Variants in NR1I2 observed in about 807,000 individuals in gnomAD.
NR1I2 encodes orphan nuclear receptor PAR1.
In NR1I2, 42 loss-of-function variants were observed where a neutral mutation model predicts 43.3. That is an observed-to-expected ratio of 0.97 (90% CI 0.76 to 1.26). The LOEUF is 1.26. NR1I2 is among the 50% of genes most tolerant of loss of function. The pLI is 0.00. For synonymous variants in NR1I2, 229 were observed against 215.0 expected (o/e 1.06, Z -0.57); for missense variants, 559 against 566.7 (o/e 0.99, Z 0.14).
In NR1I2 at chr3:119,817,281, G is replaced by A. The variant is rs2055344747; in HGVS notation, c.*69G>A. ...GAGCCCTCTGAGCCGCCACTCCCGGGCCAAGACAGATGGACACTGCCAAGA... is the reference window on the plus strand; with the variant it reads ...GAGCCCTCTGAGCCGCCACTCCCGGACCAAGACAGATGGACACTGCCAAGA... On this transcript the variant is annotated 3_prime_UTR_variant, in exon 9 of 9. Transcript: ENST00000393716. 1.2e-6 allele frequency: 2 copies of A among 1,606,778 alleles called. No homozygotes were observed. Among genetic ancestry groups the A allele is most frequent in the Non-Finnish European group, 1.7e-6 (2 of 1,179,324 alleles).
At position 119,811,572 on chromosome 3, in the gene NR1I2, G is replaced by A. The variant is rs12721608; in HGVS notation, c.365G>A (p.Arg122Gln). ...TCCGACGAGGCCGTGGAGGAGAGGC[G>A]GGCCTTGATCAAGCGGAAGAAAAGT... The change falls in exon 4 of 9, where the codon CGG becomes CAG. Residue 122 changes from arginine to glutamine, a missense_variant. Around this residue, in one of 3 missense-constraint regions of NR1I2, gnomAD observed 232 missense variants for 236.6 expected, o/e 0.98. Coordinates refer to ENST00000393716, the MANE Select transcript of NR1I2 (RefSeq NM_003889.4). 5.0e-6 allele frequency: 8 copies of A among 1,613,516 alleles called. No homozygotes were observed. Among genetic ancestry groups the A allele is most frequent in the Admixed American group, 3.3e-5 (2 of 59,914 alleles).
In NR1I2 at chr3:119,810,471, C is replaced by G. The variant is rs907619218; in HGVS notation, c.331+277C>G. The G allele has an allele frequency of 5.7e-6, 3 of 524,102 alleles. No individual in the cohort carries two copies. The African/African-American group carries it at 5.7e-5, about 10-fold the overall frequency. 32.5% of individuals were successfully genotyped at this position (524,102 alleles called of 1,614,324 possible). On this transcript the variant is annotated intron_variant, in intron 3 of 8. Coordinates refer to ENST00000393716, the MANE Select transcript of NR1I2 (RefSeq NM_003889.4). ...GCCCTCTGTCTCCCCTCAGTTGCTCCTGCATCATTCTTTTTGTCCCCTTCA... is the reference window on the plus strand; with the variant it reads ...GCCCTCTGTCTCCCCTCAGTTGCTCGTGCATCATTCTTTTTGTCCCCTTCA...
chr3:119,814,933 G>A (rs1320472169), intron 5 of NR1I2, 46 bp from the exon 6 acceptor site: 2 of 1,612,804 alleles, frequency 1.2e-6, no homozygotes, highest in Admixed American at 3.3e-5. Context: ...CGGTCTGTGG[G>A]CTGCCTCCCA....
intron 1 of NR1I2, among the ~76,000 whole-genome samples, chr3:119,801,854 T>C (rs2055085873): frequency 6.6e-6 from 1 of 152,126 alleles, no homozygotes; most frequent in South Asian, 2.1e-4. Context: ...GAGGCTGGGG[T>C]GGCTGGTCCT....
intron 8 of NR1I2, 31 bp downstream of exon 8, chr3:119,815,862 G>C (rs759692853): frequency 1.9e-6 from 3 of 1,555,116 alleles, no homozygotes; most frequent in South Asian, 2.3e-5. Flanking sequence ...GGACCCGTGA[G>C]GGTGATGTGA....
At position 119,815,909 on chromosome 3, in the gene NR1I2, T is replaced by C. The variant is rs2055322067; in HGVS notation, c.1160+78T>C. 12 of 1,238,104 alleles carry C rather than the reference T, an allele frequency of 9.7e-6. No individual in the cohort carries two copies. The South Asian group carries it at 1.4e-4, about 15-fold the overall frequency. 76.7% of individuals were successfully genotyped at this position (1,238,104 alleles called of 1,614,324 possible). On this transcript the variant is annotated intron_variant, in intron 8 of 8. Coordinates refer to ENST00000393716, the MANE Select transcript of NR1I2 (RefSeq NM_003889.4). The stretch of plus-strand genomic sequence containing the variant: ...TTCAGGGAAATTGCCCAAGACTTCA[T>C]GGCCAGAGGGTGGCATCTGGAGGTA...
chr3:119,812,255 T>A (rs963493225), intron 4 of NR1I2, among the ~76,000 whole-genome samples: 1 of 152,252 alleles, frequency 6.6e-6, no homozygotes, highest in East Asian at 1.9e-4. Context: ...TTTGCACTGA[T>A]AGATATCTCA....
chr3:119,807,893 C>T (rs113370799), intron 2 of NR1I2, among the ~76,000 whole-genome samples: 1 of 152,040 alleles, frequency 6.6e-6, no homozygotes, highest in Admixed American at 6.5e-5. Context: ...CCAGGTGCAC[C>T]CTCCGGAGGG....
At chr3:119,786,239 GC>G (rs1007342005) in intron 1 of NR1I2, among the ~76,000 whole-genome samples, 8 of 152,136 alleles carry the variant, frequency 5.3e-5, no homozygotes, top group African/African-American at 1.9e-4. Flanking sequence ...TGTTTGTTGA[GC>G]CATCAGACTC....
Position 119,807,451 on chromosome 3 carries a change from G to T in NR1I2, c.197+4G>T, listed in dbSNP as rs1244028390. The T allele has an allele frequency of 8.7e-6, 14 of 1,612,630 alleles. No homozygotes were observed. Among genetic ancestry groups the T allele is most frequent in the Non-Finnish European group, 1.2e-5 (14 of 1,179,754 alleles). ...AAGGATGCAAGGGCTTTTTCAGGTA[G>T]AGTTACCCATCAGCCTTCACCCACG... On this transcript the variant is annotated splice_donor_region_variant and intron_variant, in intron 2 of 8. Coordinates refer to ENST00000393716, the MANE Select transcript of NR1I2 (RefSeq NM_003889.4).
At position 119,810,042 on chromosome 3, in the gene NR1I2, G is replaced by A. The variant is rs2107972136; in HGVS notation, c.198-19G>A. On this transcript the variant is annotated intron_variant, in intron 2 of 8. Coordinates refer to ENST00000393716, the MANE Select transcript of NR1I2 (RefSeq NM_003889.4). Reference sequence around the variant, plus strand: ...CGGGCACCCGTGCATCCCCCCTTCTGCTCCCCATTCTCTCACAGGAGGGCC... The same window carrying A: ...CGGGCACCCGTGCATCCCCCCTTCTACTCCCCATTCTCTCACAGGAGGGCC... The A allele has an allele frequency of 6.2e-7, 1 of 1,613,626 alleles. No homozygotes were observed. The highest frequency in any genetic ancestry group is 1.1e-5 in the South Asian group (1 of 91,084).
rs148166177 is a variant in NR1I2, at chr3:119,788,376, C to A, written c.-23+6076C>A. 9.7e-3 allele frequency among the ~76,000 whole-genome samples: 1,471 copies of A among 152,288 alleles called. 20 individuals are homozygous for A. Among genetic ancestry groups the A allele is most frequent in the African/African-American group, 0.032 (1,344 of 41,552 alleles). Reference sequence around the variant, plus strand: ...CAAGTGATCCTCCTGCCTCAGCCCCCCTAAGCATTGGGATTACAGGTGTGA... The same window carrying A: ...CAAGTGATCCTCCTGCCTCAGCCCCACTAAGCATTGGGATTACAGGTGTGA... On this transcript the variant is annotated intron_variant, in intron 1 of 8. Coordinates refer to ENST00000393716, the MANE Select transcript of NR1I2 (RefSeq NM_003889.4).
At position 119,817,077 on chromosome 3, in the gene NR1I2, C is replaced by G. The variant is rs772955551; in HGVS notation, c.1170C>G (p.Phe390Leu). 3.7e-6 allele frequency: 6 copies of G among 1,614,170 alleles called. No individual in the cohort carries two copies. The South Asian group carries it at 6.6e-5, about 18-fold the overall frequency. ...TCTGGCTGGCATGCAGGTTCTTGTT[C>G]CTGAAGATCATGGCTATGCTCACCG... The change falls in exon 9 of 9, where the codon TTC becomes TTG. Residue 390 changes from phenylalanine to leucine, a missense_variant. Phe to Leu is a conservative substitution (Grantham distance 22). Transcript: ENST00000393716.
chr3:119,810,432 C>T (rs2055223615), intron 3 of NR1I2: 1 of 599,760 alleles, frequency 1.7e-6, no homozygotes, highest in Admixed American at 3.0e-5. Context: ...GCTGGGCAGC[C>T]CTGGACAGGG....
chr3:119,784,169 C>G (rs965928445), intron 1 of NR1I2, among the ~76,000 whole-genome samples: 2 of 152,192 alleles, frequency 1.3e-5, no homozygotes, highest in African/African-American at 4.8e-5. Flanking sequence ...GACTGTACTC[C>G]CACCAGCAGA....
intron 1 of NR1I2, among the ~76,000 whole-genome samples, chr3:119,795,651 C>T (rs2054988180): frequency 1.3e-5 from 2 of 152,182 alleles, no homozygotes; most frequent in South Asian, 4.1e-4. Flanking sequence ...GAATTTCTTT[C>T]ACTTGGCTTC....
intron 2 of NR1I2, among the ~76,000 whole-genome samples, chr3:119,809,475 A>G (rs954080277): frequency 4.7e-5 from 7 of 149,380 alleles, no homozygotes; most frequent in African/African-American, 1.7e-4. Context: ...GGGTATAAGA[A>G]CTTCCCCATA....
chr3:119,807,497 G>A lies in NR1I2; in HGVS notation c.197+50G>A, dbSNP rs370424408. 14 of 1,538,086 alleles carry A rather than the reference G, an allele frequency of 9.1e-6. No individual in the cohort carries two copies. The African/African-American group carries it at 1.5e-4, about 17-fold the overall frequency. Reference sequence around the variant, plus strand: ...CCACGTGCCACCACTGACCCACTGGGTAACGTCTCAGGGCCTCAGCTTGAC... The same window carrying A: ...CCACGTGCCACCACTGACCCACTGGATAACGTCTCAGGGCCTCAGCTTGAC... On this transcript the variant is annotated intron_variant, in intron 2 of 8. Transcript: ENST00000393716.
chr3:119,796,925 G>A (rs2055008139), intron 1 of NR1I2, among the ~76,000 whole-genome samples: 1 of 152,232 alleles, frequency 6.6e-6, no homozygotes, highest in African/African-American at 2.4e-5. Flanking sequence ...AGTGAGTAAA[G>A]TGAGTTAGTT....
Sources: gnomAD v4.1 joint callset for allele counts (sites outside exome capture counted in the v4.1 genomes callset) on GRCh38, gnomAD v4.1.1 for gene constraint, gnomAD v4.1.1 regional missense constraint, MANE v1.5 for transcripts, NCBI Gene and HGNC (gene_info 2026-07-23, HGNC 2026-07-21) for gene names.